Variants in HIP1 observed in about 807,000 individuals in gnomAD.
The protein encoded by HIP1 is huntingtin interacting protein 1, also known as huntingtin-interacting protein 1.
HIP1 carries 65 observed loss-of-function variants against 147.6 expected under a neutral mutation model. The ratio of observed to expected loss-of-function variants is 0.44; its 90% CI spans 0.36 to 0.54. HIP1 has a LOEUF of 0.54. Ranked by LOEUF, HIP1 falls within the 20% of genes least tolerant of loss-of-function variation. The pLI, the probability that HIP1 is intolerant of heterozygous loss-of-function variation, is 0.00. For synonymous variants in HIP1, 479 were observed against 504.0 expected, an observed-to-expected ratio of 0.95 and a Z score of 0.67; for missense variants, 1,061 against 1,299.6, an observed-to-expected ratio of 0.82 and a Z score of 2.82.
intron 22 of HIP1, among the ~76,000 whole-genome samples, chr7:75,550,364 C>T (rs1794737554): frequency 6.6e-6 from 1 of 152,204 alleles, no homozygotes; most frequent in African/African-American, 2.4e-5. Flanking sequence ...TCCCTGCCTT[C>T]TACCCCAAGA....
intron 2 of HIP1, among the ~76,000 whole-genome samples, chr7:75,597,014 T>C (rs782436818): frequency 2.0e-5 from 3 of 152,154 alleles, no homozygotes; most frequent in Non-Finnish European, 4.4e-5. Flanking sequence ...TCTGAGAAAA[T>C]CCACTGGGCC....
intron 7 of HIP1, among the ~76,000 whole-genome samples, chr7:75,577,226 G>A (rs1039265015): frequency 2.6e-5 from 4 of 151,914 alleles, no homozygotes; most frequent in Non-Finnish European, 4.4e-5. Flanking sequence ...AGCTACTCAG[G>A]AGGCTGAGGT....
At chr7:75,575,375 G>C (rs991974451) in intron 7 of HIP1, among the ~76,000 whole-genome samples, 1 of 152,032 alleles carries the variant, frequency 6.6e-6, no homozygotes, top group Admixed American at 6.6e-5. Flanking sequence ...CAGGAGAATC[G>C]CTTGAGCCTG....
chr7:75,611,905 C>T, intron 1 of HIP1: 1 of 1,006,210 alleles, frequency 9.9e-7, no homozygotes. Flanking sequence ...CCCAGCACTC[C>T]CCATCCTCCG....
chr7:75,598,736 A>T (rs1284414929), intron 2 of HIP1, among the ~76,000 whole-genome samples: 3 of 151,986 alleles, frequency 2.0e-5, no homozygotes, highest in African/African-American at 7.3e-5. Flanking sequence ...CATCTCTAAA[A>T]ATCATAAAAT....
chr7:75,645,533 G>T (rs1798774328), intron 1 of HIP1, among the ~76,000 whole-genome samples: 1 of 152,074 alleles, frequency 6.6e-6, no homozygotes, highest in Non-Finnish European at 1.5e-5. Flanking sequence ...GGCCTGGATT[G>T]TTTCTTTTAG....
chr7:75,659,565 C>A (rs1799241800), intron 1 of HIP1, among the ~76,000 whole-genome samples: 1 of 151,956 alleles, frequency 6.6e-6, no homozygotes, highest in South Asian at 2.1e-4. Context: ...AGGAGAATCG[C>A]TTGAGCCTGG....
At chr7:75,602,513 T>C (rs1797039477) in intron 1 of HIP1, among the ~76,000 whole-genome samples, 1 of 129,630 alleles carries the variant, frequency 7.7e-6, no homozygotes, top group Non-Finnish European at 1.6e-5. Flanking sequence ...TTTTTTTTTT[T>C]TTTTTTTTGA....
At chr7:75,630,726 C>A (rs587651361) in intron 1 of HIP1, among the ~76,000 whole-genome samples, 1 of 152,252 alleles carries the variant, frequency 6.6e-6, no homozygotes, top group East Asian at 1.9e-4. Context: ...CAGGCTGACA[C>A]ATGCCCCATC....
chr7:75,605,647 C>T (rs1239835476), intron 1 of HIP1, among the ~76,000 whole-genome samples: 1 of 152,164 alleles, frequency 6.6e-6, no homozygotes, highest in Non-Finnish European at 1.5e-5. Flanking sequence ...ATTCTCCTGT[C>T]TCAGCCTCCG....
At chr7:75,600,786 G>A (rs1796945156) in intron 1 of HIP1, among the ~76,000 whole-genome samples, 2 of 152,022 alleles carry the variant, frequency 1.3e-5, no homozygotes, top group African/African-American at 2.4e-5. Flanking sequence ...CCTGAGACAG[G>A]GTCTTTTTCT....
chr7:75,667,449 A>ATC (rs1554514723), intron 1 of HIP1, among the ~76,000 whole-genome samples: 1 of 152,208 alleles, frequency 6.6e-6, no homozygotes, highest in East Asian at 1.9e-4. Context: ...AAATGAAAAA[A>ATC]TTCTATAAAC....
intron 1 of HIP1, among the ~76,000 whole-genome samples, chr7:75,654,902 C>G (rs782013657): frequency 6.6e-6 from 1 of 152,042 alleles, no homozygotes; most frequent in Admixed American, 6.6e-5. Flanking sequence ...GTGGTCCCAG[C>G]TACTCTGGAG....
intron 1 of HIP1, among the ~76,000 whole-genome samples, chr7:75,662,160 C>G (rs1440336007): frequency 6.6e-6 from 1 of 151,930 alleles, no homozygotes; most frequent in African/African-American, 2.4e-5. Context: ...GAGGCTCACA[C>G]TGGAGGGTCT....
At chr7:75,681,900 T>C (rs1554516902) in intron 1 of HIP1, among the ~76,000 whole-genome samples, 1 of 151,816 alleles carries the variant, frequency 6.6e-6, no homozygotes, top group Non-Finnish European at 1.5e-5. Flanking sequence ...TCCTGTCGTG[T>C]CCACCCACCA....
rs868937876 is a variant in HIP1 at position 75,619,860 on chromosome 7, T to C, written c.121-20613A>G. On this transcript the variant is annotated intron_variant, in intron 1 of 30. Coordinates refer to ENST00000336926, the MANE Select transcript of HIP1 (RefSeq NM_005338.7). Reference sequence around the variant, plus strand: ...TCCTCCCATGTCATCTTGCTAACTATAGAACTGGCCCAGTATAGATGGTCA... The same window carrying C: ...TCCTCCCATGTCATCTTGCTAACTACAGAACTGGCCCAGTATAGATGGTCA... Among the ~76,000 whole-genome samples the C allele has an allele frequency of 2.2e-4, 34 of 152,294 alleles. 1 individual carries two copies. Among genetic ancestry groups the C allele is most frequent in the African/African-American group, 7.9e-4 (33 of 41,558 alleles).
chr7:75,630,079 G>A (rs1798163743), intron 1 of HIP1, among the ~76,000 whole-genome samples: 1 of 151,954 alleles, frequency 6.6e-6, no homozygotes, highest in Admixed American at 6.6e-5. Flanking sequence ...GATCACCTGA[G>A]CCTGGGAGGT....
In HIP1 at chr7:75,592,480, T is replaced by C. The variant is rs962851116; in HGVS notation, c.219A>G (p.Ala73=). Reference sequence around the variant, plus strand: ...GGTTGACAACAGACCAGAAGGTCTGTGCCCCTTTCTCATGGTGGGTGCCCA... The same window carrying C: ...GGTTGACAACAGACCAGAAGGTCTGCGCCCCTTTCTCATGGTGGGTGCCCA... ...CILGTHHEKG[A]QTFWSVVNRL... is the part of the protein sequence containing the mutation. The change falls in exon 3 of 31, where the codon GCA becomes GCG. Residue 73 remains alanine, a synonymous_variant. Transcript: ENST00000336926. 43 of 1,610,868 alleles carry C rather than the reference T, an allele frequency of 2.7e-5. No individual in the cohort carries two copies. The highest frequency in any genetic ancestry group is 3.5e-5 in the Non-Finnish European group (41 of 1,179,356).
At chr7:75,661,667 A>G (rs1315034134) in intron 1 of HIP1, among the ~76,000 whole-genome samples, 2 of 151,416 alleles carry the variant, frequency 1.3e-5, no homozygotes, top group Admixed American at 1.3e-4. Context: ...AGTCCTGCCG[A>G]GATCCCCAAG....
Sources: allele counts gnomAD v4.1 joint callset (sites outside exome capture counted in the v4.1 genomes callset), GRCh38; gene constraint gnomAD v4.1.1; transcripts MANE v1.5; gene names NCBI Gene and HGNC (gene_info 2026-07-23, HGNC 2026-07-21).